Variants in FAM81A observed in about 807,000 individuals in gnomAD.
FAM81A encodes the protein family with sequence similarity 81 member A.
In FAM81A, 19 loss-of-function variants were observed where a neutral mutation model predicts 46.7. That is an observed-to-expected ratio of 0.41 (90% CI 0.28 to 0.60). The LOEUF is 0.60. Ranked by LOEUF, FAM81A falls within the 20% of genes least tolerant of loss-of-function variation. The probability of loss-of-function intolerance (pLI) is 0.34; values close to 1 mark genes in which losing one functional copy is unlikely to be tolerated. For synonymous variants in FAM81A, 183 were observed against 152.9 expected, an observed-to-expected ratio of 1.20 and a Z score of -1.45; for missense variants, 377 against 453.5, an observed-to-expected ratio of 0.83 and a Z score of 1.53.
At chr15:59,436,543 T>C (rs556849728), upstream of FAM81A, among the ~76,000 whole-genome samples, 1 of 152,264 alleles carries the variant, frequency 6.6e-6, no homozygotes, top group Admixed American at 6.5e-5. Flanking sequence ...GCAAGAAATA[T>C]TTTGAACCTT....
At chr15:59,407,621 C>G (rs1340964406) in intron 2 of FAM81A, 2 of 162,248 alleles carry the variant, frequency 1.2e-5, no homozygotes, top group Non-Finnish European at 1.3e-5. Flanking sequence ...CCAGATGAGG[C>G]GGCTGAGGCT....
At chr15:59,449,064 A>C (rs2081384688) in intron 1 of FAM81A, among the ~76,000 whole-genome samples, 1 of 152,188 alleles carries the variant, frequency 6.6e-6, no homozygotes, top group African/African-American at 2.4e-5. Context: ...AAATGTTGCT[A>C]TCTAGTTAAG....
chr15:59,411,373 A>G (rs950446395), intron 2 of FAM81A, among the ~76,000 whole-genome samples: 2 of 152,220 alleles, frequency 1.3e-5, no homozygotes, highest in African/African-American at 4.8e-5. Flanking sequence ...GTATATATGC[A>G]TCTTCCAATA....
intron 3 of FAM81A, among the ~76,000 whole-genome samples, chr15:59,466,060 AG>A (rs2081609301): frequency 1.3e-5 from 2 of 152,328 alleles, no homozygotes; most frequent in South Asian, 4.1e-4. Context: ...ATAGCTGCAT[AG>A]TATTTCATGG....
rs575860829 is a variant in FAM81A at position 59,453,507 on chromosome 15, C to T, written c.-77-5043C>T. On this transcript the variant is annotated intron_variant, in intron 1 of 8. Coordinates refer to ENST00000288228, the MANE Select transcript of FAM81A (RefSeq NM_152450.3). ...CCAACTCAACCAACTAAGGTGGGCC[C>T]GCTGAGATCATACAGCTAGTGGGGA... is the stretch of plus-strand genomic sequence containing the variant. 2.6e-5 allele frequency among the ~76,000 whole-genome samples: 4 copies of T among 152,208 alleles called. No individual in the cohort carries two copies. The South Asian group carries it at 6.2e-4, about 24-fold the overall frequency.
intron 1 of FAM81A, among the ~76,000 whole-genome samples, chr15:59,441,796 A>G (rs1397797249): frequency 1.3e-5 from 2 of 152,044 alleles, no homozygotes; most frequent in African/African-American, 2.4e-5. Context: ...TCTTCCTGGC[A>G]TGTAGACACG....
chr15:59,401,870 G>A, intron 1 of FAM81A: 1 of 760,402 alleles, frequency 1.3e-6, no homozygotes, highest in South Asian at 1.4e-5. Flanking sequence ...GCTTAGCCTT[G>A]AGACCAATCA....
At chr15:59,519,324 G>A (rs2082302022) in intron 8 of FAM81A, among the ~76,000 whole-genome samples, 1 of 151,948 alleles carries the variant, frequency 6.6e-6, no homozygotes, top group Non-Finnish European at 1.5e-5. Context: ...GGGTAGCTGG[G>A]ATTGTAGATG....
chr15:59,502,573 G>A (rs1481626894), intron 4 of FAM81A, among the ~76,000 whole-genome samples: 1 of 151,422 alleles, frequency 6.6e-6, no homozygotes, highest in East Asian at 1.9e-4. Flanking sequence ...GAGTGCAATG[G>A]CGCGATCTCG....
At chr15:59,437,996 G>A (rs1340601820), upstream of FAM81A, among the ~76,000 whole-genome samples, 1 of 150,908 alleles carries the variant, frequency 6.6e-6, no homozygotes, top group East Asian at 2.0e-4. Flanking sequence ...GCCAGGCTGG[G>A]CGCGGGTGCG....
chr15:59,443,084 T>G (rs188360803), intron 1 of FAM81A, among the ~76,000 whole-genome samples: 31 of 152,308 alleles, frequency 2.0e-4, no homozygotes, highest in Admixed American at 6.5e-4. Flanking sequence ...AGATCTTTAT[T>G]GTTTTATTTT....
chr15:59,464,442 A>G (rs1301154084), intron 3 of FAM81A, among the ~76,000 whole-genome samples: 1 of 152,192 alleles, frequency 6.6e-6, no homozygotes, highest in Non-Finnish European at 1.5e-5. Flanking sequence ...CCAACAGTGT[A>G]TAAGAGCTCC....
intron 3 of FAM81A, among the ~76,000 whole-genome samples, chr15:59,467,877 C>A (rs536039915): frequency 6.6e-6 from 1 of 152,058 alleles, no homozygotes; most frequent in Non-Finnish European, 1.5e-5. Context: ...TTTTGAGATA[C>A]GTTCCATCAA....
chr15:59,463,177 AT>A (rs532509092), intron 3 of FAM81A, among the ~76,000 whole-genome samples: 229 of 152,184 alleles, frequency 1.5e-3, no homozygotes, highest in Non-Finnish European at 2.8e-3. Context: ...TTTTGAGGTA[AT>A]TTTTGTATAT....
At chr15:59,481,821 G>A (rs1431936408) in intron 3 of FAM81A, among the ~76,000 whole-genome samples, 3 of 151,586 alleles carry the variant, frequency 2.0e-5, no homozygotes, top group Non-Finnish European at 4.4e-5. Context: ...ATTGGGAAGG[G>A]CCAGCTGTGC....
chr15:59,439,693 A>T (rs1188996390), intron 1 of FAM81A, among the ~76,000 whole-genome samples: 2 of 152,178 alleles, frequency 1.3e-5, no homozygotes, highest in African/African-American at 4.8e-5. Context: ...TGTTTACCTG[A>T]GGGCTTAATA....
upstream of FAM81A, among the ~76,000 whole-genome samples, chr15:59,435,083 TGGA>T (rs1460546576): frequency 1.3e-5 from 2 of 151,990 alleles, no homozygotes; most frequent in African/African-American, 2.4e-5. Context: ...GGTTAAGAGA[TGGA>T]GGCCATCCTG....
intron 1 of FAM81A, among the ~76,000 whole-genome samples, chr15:59,400,393 A>G (rs545556247): frequency 6.6e-6 from 1 of 152,088 alleles, no homozygotes; most frequent in South Asian, 2.1e-4. Flanking sequence ...CACTAGCCCA[A>G]GCTACTATCA....
chr15:59,432,109 T>C (rs1299527737), intron 2 of FAM81A, among the ~76,000 whole-genome samples: 3 of 152,260 alleles, frequency 2.0e-5, no homozygotes, highest in African/African-American at 7.2e-5. Context: ...GTCTATTAAT[T>C]ACAATTTTTA....
Sources: gnomAD v4.1 joint callset for allele counts (sites outside exome capture counted in the v4.1 genomes callset) on GRCh38, gnomAD v4.1.1 for gene constraint, MANE v1.5 for transcripts, NCBI Gene and HGNC (gene_info 2026-07-23, HGNC 2026-07-21) for gene names.